VPS26A: variants seen among roughly 807,000 people sequenced by gnomAD.
VPS26A encodes the protein vacuolar protein sorting-associated protein 26A.
VPS26A carries 22 observed loss-of-function variants against 42.4 expected under a neutral mutation model. The ratio of observed to expected loss-of-function variants is 0.52; its 90% CI spans 0.37 to 0.74. The LOEUF (loss-of-function observed/expected upper bound fraction) is 0.74. Among genes scored for constraint, VPS26A ranks in the 30% least tolerant of loss-of-function variants. The pLI, the probability that VPS26A is intolerant of heterozygous loss-of-function variation, is 0.00. For missense variants in VPS26A, 276 were observed against 379.2 expected (o/e 0.73, Z 2.26); for synonymous variants, 110 against 123.5 (o/e 0.89, Z 0.73).
At chr10:69,130,725 A>G (rs539694479) in intron 1 of VPS26A, among the ~76,000 whole-genome samples, 35 of 152,288 alleles carry the variant, frequency 2.3e-4, no homozygotes, top group African/African-American at 7.9e-4. Flanking sequence ...CTGACCTGTA[A>G]CACCATAATG....
At chr10:69,161,670 G>A (rs1564685834) in intron 5 of VPS26A, 12 of 354,676 alleles carry the variant, frequency 3.4e-5, no homozygotes, top group Non-Finnish European at 4.5e-5. Flanking sequence ...CCATTCCCCA[G>A]TTTCTTCTTG....
At chr10:69,144,880 T>C (rs937264430) in intron 2 of VPS26A, among the ~76,000 whole-genome samples, 1 of 152,102 alleles carries the variant, frequency 6.6e-6, no homozygotes, top group African/African-American at 2.4e-5. Flanking sequence ...TGGTGTCTTA[T>C]GATAAACAGT....
In VPS26A at chr10:69,156,989, C is replaced by G; in HGVS notation, c.230-18C>G. 6.4e-7 allele frequency: 1 copy of G among 1,563,638 alleles called. No homozygotes were observed. The highest frequency in any genetic ancestry group is 1.2e-5 in the South Asian group (1 of 84,418). On this transcript the variant is annotated intron_variant, in intron 3 of 8. Coordinates refer to ENST00000263559, the MANE Select transcript of VPS26A (RefSeq NM_004896.5). ...GGCTATTAAATAATTGGTCTTTTTG[C>G]CTTTTAAAATTTCTCAGAACTTTTC...
chr10:69,161,841 C>T (rs1409834697), intron 5 of VPS26A: 3 of 258,478 alleles, frequency 1.2e-5, no homozygotes, highest in African/African-American at 2.3e-5. Flanking sequence ...GGGTGGTCTT[C>T]AGCACCTCTT....
chr10:69,164,223 CTTT>C (rs756313883), intron 6 of VPS26A, among the ~76,000 whole-genome samples: 1 of 144,562 alleles, frequency 6.9e-6, no homozygotes. Context: ...CCCCCTCCAC[CTTT>C]TTTTTTTTTG....
chr10:69,138,202 A>G (rs1048446369), intron 2 of VPS26A, among the ~76,000 whole-genome samples: 3 of 152,110 alleles, frequency 2.0e-5, no homozygotes, highest in African/African-American at 7.2e-5. Context: ...TTAGTATATC[A>G]TTGTTTTTTA....
chr10:69,133,537 C>A, intron 2 of VPS26A: 1 of 1,287,974 alleles, frequency 7.8e-7, no homozygotes, highest in East Asian at 5.6e-5. Flanking sequence ...TCTAGGTACT[C>A]TGTAGAGGAC....
intron 2 of VPS26A, among the ~76,000 whole-genome samples, chr10:69,150,185 C>T (rs911713791): frequency 2.0e-5 from 3 of 152,010 alleles, no homozygotes; most frequent in African/African-American, 7.2e-5. Context: ...TCCCAATTTG[C>T]TGGGACTAGA....
At chr10:69,124,326 G>C (rs1371893417) in intron 1 of VPS26A, 46 bp downstream of exon 1, 2 of 1,238,216 alleles carry the variant, frequency 1.6e-6, no homozygotes, top group African/African-American at 3.1e-5. Flanking sequence ...CCTCGTCCCG[G>C]AGCGCGCGGC....
chr10:69,127,334 A>T (rs12251760), intron 1 of VPS26A, among the ~76,000 whole-genome samples: 6,248 of 150,832 alleles, frequency 0.041, 452 homozygotes, highest in African/African-American at 0.14. Context: ...CGGGCGGATC[A>T]CGAGGTCAGG....
chr10:69,139,158 A>G (rs1056616045), intron 2 of VPS26A, among the ~76,000 whole-genome samples: 2 of 152,142 alleles, frequency 1.3e-5, no homozygotes, highest in Non-Finnish European at 2.9e-5. Flanking sequence ...CTAGAGTCTA[A>G]TAGATTCCTC....
At chr10:69,151,269 A>AAAAAAACAAAAC (rs1357970768) in intron 2 of VPS26A, among the ~76,000 whole-genome samples, 7 of 70,460 alleles carry the variant, frequency 9.9e-5, no homozygotes, top group Middle Eastern at 8.1e-3. Flanking sequence ...CATGTCAAAA[A>AAAAAAACAAAAC]AAAAAAAAAA....
intron 6 of VPS26A, among the ~76,000 whole-genome samples, chr10:69,163,561 T>C (rs1419578013): frequency 1.3e-5 from 2 of 152,188 alleles, no homozygotes; most frequent in Middle Eastern, 3.2e-3. Context: ...TTTTAGCTCA[T>C]TTGATGGGTA....
At chr10:69,152,748 T>G (rs1422426244) in intron 2 of VPS26A, among the ~76,000 whole-genome samples, 1 of 152,050 alleles carries the variant, frequency 6.6e-6, no homozygotes. Flanking sequence ...GGCGGGTGGA[T>G]CACGAGGTCA....
chr10:69,142,998 T>C (rs1366428038), intron 2 of VPS26A, among the ~76,000 whole-genome samples: 1 of 152,174 alleles, frequency 6.6e-6, no homozygotes, highest in African/African-American at 2.4e-5. Flanking sequence ...ATTTATAAAA[T>C]GGGGTAGAAA....
intron 6 of VPS26A, among the ~76,000 whole-genome samples, chr10:69,164,733 T>C (rs1220650915): frequency 1.3e-5 from 2 of 152,182 alleles, no homozygotes; most frequent in Admixed American, 6.5e-5. Context: ...TAATACATTG[T>C]GGTTTAGGGA....
rs1044908235 is a variant in VPS26A, at chr10:69,133,118, G to A, written c.153+71G>A. ...ATTAGTTATCAAAGTGGTCTGTGCTGTTTCTTAAATTTGAATAATTTTATG... is the reference window on the plus strand; with the variant it reads ...ATTAGTTATCAAAGTGGTCTGTGCTATTTCTTAAATTTGAATAATTTTATG... On this transcript the variant is annotated intron_variant, in intron 2 of 8. Coordinates refer to ENST00000263559, the MANE Select transcript of VPS26A (RefSeq NM_004896.5). 3.5e-5 allele frequency: 52 copies of A among 1,472,978 alleles called. No individual in the cohort carries two copies. The African/African-American group carries it at 3.8e-4, about 11-fold the overall frequency. 91.2% of individuals were successfully genotyped at this position (1,472,978 alleles called of 1,614,324 possible).
chr10:69,154,889 A>G (rs6480388), intron 2 of VPS26A, among the ~76,000 whole-genome samples: 6,326 of 152,194 alleles, frequency 0.042, 456 homozygotes, highest in African/African-American at 0.14. Context: ...GTGTGCGCGC[A>G]CGCGCACGTG....
intron 1 of VPS26A, among the ~76,000 whole-genome samples, chr10:69,131,443 G>C (rs1256665932): frequency 6.6e-6 from 1 of 151,924 alleles, no homozygotes; most frequent in African/African-American, 2.4e-5. Context: ...TTTTAAAAAA[G>C]ATCATTCTGG....
Sources: gnomAD v4.1 joint callset for allele counts (sites outside exome capture counted in the v4.1 genomes callset) on GRCh38, gnomAD v4.1.1 for gene constraint, MANE v1.5 for transcripts, NCBI Gene and HGNC (gene_info 2026-07-23, HGNC 2026-07-21) for gene names.